UBE2W: variants seen among roughly 807,000 people sequenced by gnomAD.
The protein encoded by UBE2W is ubiquitin conjugating enzyme E2 W.
UBE2W carries 18 observed loss-of-function variants against 27.2 expected under a neutral mutation model. The ratio of observed to expected loss-of-function variants is 0.66; its 90% CI spans 0.46 to 0.98. The LOEUF is 0.98. UBE2W is among the 50% of genes least tolerant of loss of function. The probability of loss-of-function intolerance (pLI) is 0.00; values close to 1 mark genes in which losing one functional copy is unlikely to be tolerated. For synonymous variants in UBE2W, 53 were observed against 57.2 expected, an observed-to-expected ratio of 0.93 and a Z score of 0.33; for missense variants, 90 against 180.2, an observed-to-expected ratio of 0.50 and a Z score of 2.87.
At chr8:73,830,290 G>T in intron 2 of UBE2W, 91 bp downstream of exon 2, 2 of 903,298 alleles carry the variant, frequency 2.2e-6, no homozygotes, top group Non-Finnish European at 3.5e-6. Context: ...AGAATGAAAT[G>T]TGAAAATAAT....
chr8:73,848,321 G>A (rs541343405), intron 1 of UBE2W, among the ~76,000 whole-genome samples: 4 of 152,252 alleles, frequency 2.6e-5, no homozygotes, highest in Non-Finnish European at 5.9e-5. Context: ...AAGTCAGACA[G>A]AAAAATAAAT....
At position 73,787,901 on chromosome 8, in the gene UBE2W, C is replaced by T; in HGVS notation, c.*6201G>A. 2 of 985,394 alleles carry T rather than the reference C, an allele frequency of 2.0e-6. No homozygotes were observed. Among genetic ancestry groups the T allele is most frequent in the South Asian group, 4.7e-5 (1 of 21,282 alleles). The allele number at this position is 985,394 out of a possible 1,614,324, so 61.0% of individuals were successfully genotyped here. A position where few individuals can be genotyped will look rare whatever the true frequency, so the allele number is the denominator to read the frequency against. ...AGTCTTTAGTTGGGACTTATTAAAA[C>T]ACTAAAACTAGCTACATATTACATA... is the stretch of plus-strand genomic sequence containing the variant. On this transcript the variant is annotated 3_prime_UTR_variant, in exon 6 of 6. Transcript: ENST00000602593.
downstream of UBE2W, among the ~76,000 whole-genome samples, chr8:73,784,348 A>G (rs1289646734): frequency 5.3e-5 from 8 of 152,294 alleles, no homozygotes; most frequent in Admixed American, 3.3e-4. Context: ...CTTGAGACTC[A>G]GTAGGCATTC....
intron 1 of UBE2W, among the ~76,000 whole-genome samples, chr8:73,876,892 G>A (rs1220325848): frequency 1.3e-5 from 2 of 152,110 alleles, no homozygotes; most frequent in East Asian, 1.9e-4. Flanking sequence ...GCTTGAACTC[G>A]GGAGGTGGAG....
At chr8:73,829,648 T>C (rs1809992839) in intron 2 of UBE2W, among the ~76,000 whole-genome samples, 1 of 152,104 alleles carries the variant, frequency 6.6e-6, no homozygotes, top group Admixed American at 6.5e-5. Context: ...GACCCCTGTC[T>C]TAGGTACTGA....
chr8:73,804,521 C>T (rs74511932), intron 5 of UBE2W, among the ~76,000 whole-genome samples: 8,637 of 151,442 alleles, frequency 0.057, 809 homozygotes, highest in African/African-American at 0.19. Context: ...TTAGAGAGTA[C>T]TTTATTAATA....
At chr8:73,842,439 G>A (rs1052220256) in intron 1 of UBE2W, among the ~76,000 whole-genome samples, 2 of 142,256 alleles carry the variant, frequency 1.4e-5, no homozygotes, top group East Asian at 4.4e-4. Context: ...TGAGGCAGGA[G>A]AATGGTGTGA....
intron 5 of UBE2W, chr8:73,796,048 C>T (rs900739348): frequency 3.1e-5 from 3 of 97,154 alleles, no homozygotes; most frequent in African/African-American, 1.2e-4. Flanking sequence ...TGATCCCTAG[C>T]CAACACCATC....
At chr8:73,823,940 C>A (rs1809726442) in intron 3 of UBE2W, among the ~76,000 whole-genome samples, 1 of 152,086 alleles carries the variant, frequency 6.6e-6, no homozygotes, top group African/African-American at 2.4e-5. Context: ...ATATGATTTT[C>A]CTCCAAATAG....
chr8:73,811,420 CAG>C (rs1360252734), intron 3 of UBE2W, among the ~76,000 whole-genome samples: 1 of 152,072 alleles, frequency 6.6e-6, no homozygotes, highest in African/African-American at 2.4e-5. Flanking sequence ...AGCAAATAGG[CAG>C]GAGAATAAAT....
rs1024629627 is a variant in UBE2W at position 73,787,647 on chromosome 8, A to G, written c.*6455T>C. 1.0e-6 allele frequency: 1 copy of G among 985,450 alleles called. No homozygotes were observed. Among genetic ancestry groups the G allele is most frequent in the Non-Finnish European group, 1.2e-6 (1 of 829,944 alleles). 61.0% of individuals were successfully genotyped at this position (985,450 alleles called of 1,614,324 possible). On this transcript the variant is annotated 3_prime_UTR_variant, in exon 6 of 6. Coordinates refer to ENST00000602593, the MANE Select transcript of UBE2W (RefSeq NM_018299.6). ...GCATATTTAATTCCTCCTGTCAGGA[A>G]TAACAGATGCTGAGATAGCCCCTTC...
At chr8:73,856,357 ATTTTTT>A (rs34593904) in intron 1 of UBE2W, among the ~76,000 whole-genome samples, 1 of 89,364 alleles carries the variant, frequency 1.1e-5, no homozygotes, top group African/African-American at 4.4e-5. Flanking sequence ...ACACTTATGA[ATTTTTT>A]TTTTTTTTTT....
At chr8:73,851,294 C>G (rs1305162529) in intron 1 of UBE2W, among the ~76,000 whole-genome samples, 1 of 151,556 alleles carries the variant, frequency 6.6e-6, no homozygotes, top group Non-Finnish European at 1.5e-5. Flanking sequence ...TTAGGAGAAA[C>G]TTCTGCATAT....
chr8:73,874,159 C>T (rs1437439904), intron 1 of UBE2W, among the ~76,000 whole-genome samples: 2 of 151,920 alleles, frequency 1.3e-5, no homozygotes, highest in African/African-American at 4.8e-5. Flanking sequence ...CGGCCGGGCG[C>T]GGTGGCTGAC....
At chr8:73,840,789 T>C (rs1376934870) in intron 1 of UBE2W, among the ~76,000 whole-genome samples, 12 of 152,146 alleles carry the variant, frequency 7.9e-5, no homozygotes. Context: ...AAAATCTACA[T>C]AGAAATGGAC....
chr8:73,789,775 T>G lies in UBE2W; in HGVS notation c.*4327A>C, dbSNP rs1372221256. 2 of 434,780 alleles carry G rather than the reference T, an allele frequency of 4.6e-6. No individual in the cohort carries two copies. The highest frequency in any genetic ancestry group is 6.1e-6 in the Non-Finnish European group (2 of 327,266). The allele number at this position is 434,780 out of a possible 1,614,324, so 26.9% of individuals were successfully genotyped here. Reference sequence around the variant, plus strand: ...ATCGCTTAGACCCAGGAGGTGGAGATTGAAATGAGCCAAGATCGTGCACTG... The same window carrying G: ...ATCGCTTAGACCCAGGAGGTGGAGAGTGAAATGAGCCAAGATCGTGCACTG... On this transcript the variant is annotated 3_prime_UTR_variant, in exon 6 of 6. Coordinates refer to ENST00000602593, the MANE Select transcript of UBE2W (RefSeq NM_018299.6).
At chr8:73,878,013 T>C (rs1393783740) in intron 1 of UBE2W, among the ~76,000 whole-genome samples, 1 of 152,054 alleles carries the variant, frequency 6.6e-6, no homozygotes, top group South Asian at 2.1e-4. Context: ...GGCAAAGAGA[T>C]GTATAGCCTT....
At chr8:73,866,194 C>T (rs921794316) in intron 1 of UBE2W, among the ~76,000 whole-genome samples, 2 of 148,002 alleles carry the variant, frequency 1.4e-5, no homozygotes, top group African/African-American at 5.0e-5. Flanking sequence ...TTGCTTGAAC[C>T]CGGGGGGTGG....
In UBE2W at chr8:73,787,833, G is replaced by C. The variant is rs1563561634; in HGVS notation, c.*6269C>G. ...AACATCGGACTCACGATAACTCTAA[G>C]CAAGTGCCTGGGTCTCCATTTCCAT... On this transcript the variant is annotated 3_prime_UTR_variant, in exon 6 of 6. Transcript: ENST00000602593. 1.0e-6 allele frequency: 1 copy of C among 985,260 alleles called. No individual in the cohort carries two copies. The highest frequency in any genetic ancestry group is 1.7e-5 in the African/African-American group (1 of 57,226). The allele number at this position is 985,260 out of a possible 1,614,324, so 61.0% of individuals were successfully genotyped here. A position where few individuals can be genotyped will look rare whatever the true frequency, so the allele number is the denominator to read the frequency against.
Sources: gnomAD v4.1 joint callset for allele counts (sites outside exome capture counted in the v4.1 genomes callset) on GRCh38, gnomAD v4.1.1 for gene constraint, MANE v1.5 for transcripts, NCBI Gene and HGNC (gene_info 2026-07-23, HGNC 2026-07-21) for gene names.